The following SYT6 variants were observed in gnomAD, a reference collection of about 807,000 sequenced individuals.
The protein encoded by SYT6 is synaptotagmin-6.
Under a neutral mutation model 38.4 loss-of-function variants are expected in SYT6, and 24 were observed. That is an observed-to-expected ratio of 0.62 (90% CI 0.45 to 0.88). The LOEUF is 0.88. Ranked by LOEUF, SYT6 falls within the 40% of genes least tolerant of loss-of-function variation. SYT6 has a pLI of 0.00. For missense variants in SYT6, 611 were observed against 621.0 expected (o/e 0.98, Z 0.17); for synonymous variants, 265 against 241.9 (o/e 1.10, Z -0.89).
At chr1:114,092,334 C>CTG (rs1234407547) in intron 7 of SYT6, among the ~76,000 whole-genome samples, 50 of 138,494 alleles carry the variant, frequency 3.6e-4, no homozygotes, top group African/African-American at 1.1e-3. Context: ...CTCTCTCTCT[C>CTG]TCTCTGTGTG....
chr1:114,134,640 T>C (rs995054130), intron 3 of SYT6, among the ~76,000 whole-genome samples: 1 of 152,106 alleles, frequency 6.6e-6, no homozygotes, highest in Non-Finnish European at 1.5e-5. Context: ...GTGGATTGGT[T>C]TGCACCAGGC....
At chr1:114,096,204 G>A (rs1361599723) in intron 6 of SYT6, among the ~76,000 whole-genome samples, 2 of 151,702 alleles carry the variant, frequency 1.3e-5, no homozygotes, top group African/African-American at 2.4e-5. Context: ...CTAGCGTTCT[G>A]CCCAGCAGTG....
chr1:114,153,595 TG>T lies in SYT6; in HGVS notation c.163+14del. On this transcript the variant is annotated intron_variant, in intron 1 of 7. Coordinates refer to ENST00000610222, the MANE Select transcript of SYT6 (RefSeq NM_001253772.2). Reference sequence around the variant, plus strand: ...GGATATCCAGGAAGGGAGGGGGCCCTGGGTCTCCCGTTACCTGCGCCTGCCG... The same window carrying T: ...GGATATCCAGGAAGGGAGGGGGCCCTGGTCTCCCGTTACCTGCGCCTGCCG... The T allele has an allele frequency of 1.7e-6, 1 of 589,248 alleles. No individual in the cohort carries two copies. Among genetic ancestry groups the T allele is most frequent in the Non-Finnish European group, 3.0e-6 (1 of 328,716 alleles). The allele number at this position is 589,248 out of a possible 1,614,324, so 36.5% of individuals were successfully genotyped here.
intron 3 of SYT6, among the ~76,000 whole-genome samples, chr1:114,134,690 G>T (rs1678374013): frequency 6.6e-6 from 1 of 152,212 alleles, no homozygotes. Flanking sequence ...GGAGAACCTT[G>T]TTGGCAAAGG....
intron 3 of SYT6, among the ~76,000 whole-genome samples, chr1:114,107,864 G>C (rs1676422820): frequency 1.3e-5 from 2 of 152,172 alleles, no homozygotes; most frequent in African/African-American, 4.8e-5. Flanking sequence ...ATAAAACAAG[G>C]GGTGACCAGG....
chr1:114,133,191 A>C (rs1466700610), intron 3 of SYT6, among the ~76,000 whole-genome samples: 1 of 151,952 alleles, frequency 6.6e-6, no homozygotes, highest in Non-Finnish European at 1.5e-5. Flanking sequence ...ACACACATGC[A>C]CACACACACA....
chr1:114,100,259 C>T (rs1407771237), intron 4 of SYT6, among the ~76,000 whole-genome samples: 1 of 152,166 alleles, frequency 6.6e-6, no homozygotes, highest in Non-Finnish European at 1.5e-5. Flanking sequence ...GTAATAATAG[C>T]TTTCGAGACG....
In SYT6 at chr1:114,099,270, G is replaced by A. The variant is rs1373651952; in HGVS notation, c.1193-5C>T. ...AGGACACTTTCACATAGGGATCTGT[G>A]CCAATGGGGACAGAGAAAAGGGAAT... is the stretch of plus-strand genomic sequence containing the variant. On this transcript the variant is annotated splice_polypyrimidine_tract_variant and splice_region_variant and intron_variant, in intron 4 of 7. Transcript: ENST00000610222. The A allele has an allele frequency of 6.2e-7, 1 of 1,609,730 alleles. No individual in the cohort carries two copies. The highest frequency in any genetic ancestry group is 8.5e-7 in the Non-Finnish European group (1 of 1,177,852).
intron 3 of SYT6, among the ~76,000 whole-genome samples, chr1:114,105,519 G>T (rs1029842815): frequency 1.3e-4 from 20 of 150,418 alleles, no homozygotes; most frequent in African/African-American, 4.9e-4. Flanking sequence ...GGAAGGGCCT[G>T]GCTGGGGCCA....
At chr1:114,126,366 T>C (rs905191721) in intron 3 of SYT6, among the ~76,000 whole-genome samples, 2 of 152,216 alleles carry the variant, frequency 1.3e-5, no homozygotes, top group Non-Finnish European at 2.9e-5. Context: ...TGGTTGCTAT[T>C]CTGGTCATAG....
chr1:114,100,188 G>C (rs1489140897), intron 4 of SYT6, among the ~76,000 whole-genome samples: 1 of 152,036 alleles, frequency 6.6e-6, no homozygotes, highest in African/African-American at 2.4e-5. Context: ...CAGGTGTCTC[G>C]GTCACCATCA....
At chr1:114,098,990 T>C (rs1675807952) in intron 5 of SYT6, 104 bp downstream of exon 5, 1 of 1,253,014 alleles carries the variant, frequency 8.0e-7, no homozygotes, top group Non-Finnish European at 1.1e-6. Flanking sequence ...GCCTGAACCC[T>C]AAAGCTGAGC....
At chr1:114,102,837 A>C (rs1204057717) in intron 4 of SYT6, among the ~76,000 whole-genome samples, 1 of 151,138 alleles carries the variant, frequency 6.6e-6, no homozygotes, top group Admixed American at 6.6e-5. Flanking sequence ...TGATGAGGGA[A>C]GGAGGCTCCC....
At chr1:114,092,190 TA>T in intron 7 of SYT6, 108 bp from the exon 8 acceptor site, 1 of 1,079,320 alleles carries the variant, frequency 9.3e-7, no homozygotes, top group Non-Finnish European at 1.3e-6. Context: ...TAGCTTCTCA[TA>T]AGCTTTCTTG....
chr1:114,135,496 T>C (rs1204885475), intron 3 of SYT6, among the ~76,000 whole-genome samples: 1 of 144,170 alleles, frequency 6.9e-6, no homozygotes, highest in East Asian at 2.1e-4. Flanking sequence ...GGAGGAGGGC[T>C]ATAATGATAC....
chr1:114,129,127 G>T (rs1323913403), intron 3 of SYT6, among the ~76,000 whole-genome samples: 1 of 152,124 alleles, frequency 6.6e-6, no homozygotes, highest in Non-Finnish European at 1.5e-5. Context: ...AAGTTGCTCG[G>T]ACTGAAAATC....
chr1:114,120,469 A>G (rs1300457691), intron 3 of SYT6, among the ~76,000 whole-genome samples: 2 of 152,164 alleles, frequency 1.3e-5, no homozygotes, highest in East Asian at 1.9e-4. Flanking sequence ...AGAATTTCAC[A>G]TTCTTTCACT....
At chr1:114,094,865 G>A (rs925587108) in intron 6 of SYT6, among the ~76,000 whole-genome samples, 2 of 152,214 alleles carry the variant, frequency 1.3e-5, no homozygotes, top group Non-Finnish European at 2.9e-5. Context: ...GGCAGGATGT[G>A]AGCTCTGAGG....
chr1:114,091,777 C>A lies in SYT6; in HGVS notation c.*357G>T. 2.6e-6 allele frequency: 1 copy of A among 384,200 alleles called. No individual in the cohort carries two copies. The allele number at this position is 384,200 out of a possible 1,614,324, so 23.8% of individuals were successfully genotyped here. On this transcript the variant is annotated 3_prime_UTR_variant, in exon 8 of 8. Transcript: ENST00000610222. ...TTTTTCCCTTTTCTTACCAGCAGAC[C>A]CATAAAAAGTGAAAAACCACAAAAA...
Sources: allele counts gnomAD v4.1 joint callset (sites outside exome capture counted in the v4.1 genomes callset), GRCh38; gene constraint gnomAD v4.1.1; transcripts MANE v1.5; gene names NCBI Gene and HGNC (gene_info 2026-07-23, HGNC 2026-07-21).